The following MVB12B variants were observed in gnomAD, a reference collection of about 807,000 sequenced individuals.
MVB12B encodes the protein ESCRT-I complex subunit MVB12B.
A neutral mutation model predicts 41.6 loss-of-function variants in MVB12B; 16 were observed. That is an observed-to-expected ratio of 0.38 (90% CI 0.26 to 0.58). The LOEUF is 0.58. Ranked by LOEUF, MVB12B falls within the 20% of genes least tolerant of loss-of-function variation. The pLI is 0.62. For missense variants in MVB12B, 274 were observed against 380.2 expected (o/e 0.72, Z 2.32); for synonymous variants, 133 against 139.7 (o/e 0.95, Z 0.34).
At chr9:126,393,304 C>T (rs1588135355) in intron 5 of MVB12B, among the ~76,000 whole-genome samples, 1 of 152,358 alleles carries the variant, frequency 6.6e-6, no homozygotes, top group Non-Finnish European at 1.5e-5. Flanking sequence ...TCTGGTTTCC[C>T]TGTCTCCCCC....
At chr9:126,363,205 A>G (rs1365761459) in intron 2 of MVB12B, among the ~76,000 whole-genome samples, 1 of 152,156 alleles carries the variant, frequency 6.6e-6, no homozygotes, top group African/African-American at 2.4e-5. Context: ...AAAGAAAATT[A>G]AAGTTTTAAA....
chr9:126,479,602 G>A (rs964709107), intron 7 of MVB12B, among the ~76,000 whole-genome samples: 2 of 152,124 alleles, frequency 1.3e-5, no homozygotes, highest in Admixed American at 6.5e-5. Flanking sequence ...TTGCCTGTTC[G>A]GGACTTTTGT....
intron 3 of MVB12B, among the ~76,000 whole-genome samples, chr9:126,384,518 GAT>G (rs1041644405): frequency 2.0e-5 from 3 of 151,880 alleles, no homozygotes; most frequent in African/African-American, 7.3e-5. Context: ...AACTCAACTT[GAT>G]ATATGTGTGT....
At chr9:126,394,183 ATAGT>A (rs1475020191) in intron 5 of MVB12B, among the ~76,000 whole-genome samples, 3 of 152,234 alleles carry the variant, frequency 2.0e-5, no homozygotes, top group Non-Finnish European at 4.4e-5. Flanking sequence ...GGAGTAGGAA[ATAGT>A]TAGAATAAAC....
At chr9:126,481,558 G>C in intron 8 of MVB12B, 134 bp downstream of exon 8, 1 of 723,656 alleles carries the variant, frequency 1.4e-6, no homozygotes, top group Non-Finnish European at 2.5e-6. Context: ...TTGTCCGCCT[G>C]CGTGTCCTCT....
In MVB12B at chr9:126,506,561, G is replaced by C. The variant is rs934231797; in HGVS notation, c.*3298G>C. On this transcript the variant is annotated 3_prime_UTR_variant, in exon 10 of 10. Coordinates refer to ENST00000361171, the MANE Select transcript of MVB12B (RefSeq NM_033446.3). The stretch of plus-strand genomic sequence containing the variant: ...CCTCCACCCAGATGAGGGCCCTCCA[G>C]AGCCTGCAGGCATCTGTGGGGAATC... 1 of 152,310 alleles carries C rather than the reference G, an allele frequency of 6.6e-6. No individual in the cohort carries two copies. The highest frequency in any genetic ancestry group is 2.4e-5 in the African/African-American group (1 of 41,470). 9.4% of individuals were successfully genotyped at this position (152,310 alleles called of 1,614,324 possible). A position where few individuals can be genotyped will look rare whatever the true frequency, so the allele number is the denominator to read the frequency against.
chr9:126,496,041 G>A (rs1341673704), intron 9 of MVB12B, among the ~76,000 whole-genome samples: 3 of 152,056 alleles, frequency 2.0e-5, no homozygotes, highest in African/African-American at 7.2e-5. Context: ...GGCTGTGCAG[G>A]CACAGTGCTG....
chr9:126,496,824 T>G lies in MVB12B; in HGVS notation c.874-6353T>G, dbSNP rs577993227. 4.0e-5 allele frequency among the ~76,000 whole-genome samples: 6 copies of G among 151,464 alleles called. No individual in the cohort carries two copies. In the East Asian group the frequency reaches 1.2e-3, roughly 30 times the overall value. The stretch of plus-strand genomic sequence containing the variant: ...TCCTGGACACAGGCCAGATCCTGGG[T>G]GGAAGGTGTTTTGTGAGATAGGGTG... On this transcript the variant is annotated intron_variant, in intron 9 of 9. Coordinates refer to ENST00000361171, the MANE Select transcript of MVB12B (RefSeq NM_033446.3).
intron 2 of MVB12B, among the ~76,000 whole-genome samples, chr9:126,380,727 A>G (rs547883424): frequency 6.6e-5 from 10 of 152,242 alleles, no homozygotes; most frequent in Middle Eastern, 3.4e-3. Context: ...ACCCCGCACC[A>G]TCCCCCCGAG....
chr9:126,333,645 C>G lies in MVB12B; in HGVS notation c.81+6635C>G, dbSNP rs1208036274. On this transcript the variant is annotated intron_variant, in intron 1 of 9. Transcript: ENST00000361171. The surrounding 1 kb of genome is among the most constrained non-coding windows in gnomAD (Gnocchi z 4.7). Reference sequence around the variant, plus strand: ...TCTCAAACTCCTGACCTCAAGTGATCTGCCCACCTTGGCCTCAGAGTGCTG... The same window carrying G: ...TCTCAAACTCCTGACCTCAAGTGATGTGCCCACCTTGGCCTCAGAGTGCTG... Among the ~76,000 whole-genome samples, 1 of 151,438 alleles carries G rather than the reference C, an allele frequency of 6.6e-6. No individual in the cohort carries two copies. Among genetic ancestry groups the G allele is most frequent in the East Asian group, 2.0e-4 (1 of 5,114 alleles).
chr9:126,394,167 A>T (rs1157987802), intron 5 of MVB12B, among the ~76,000 whole-genome samples: 1 of 152,242 alleles, frequency 6.6e-6, no homozygotes, highest in Non-Finnish European at 1.5e-5. Context: ...TGTAAACAGG[A>T]CTACAGGAGT....
Position 126,421,384 on chromosome 9 carries a change from A to G in MVB12B, c.663-470A>G, listed in dbSNP as rs150480713. 2.3e-3 allele frequency among the ~76,000 whole-genome samples: 349 copies of G among 152,310 alleles called. 1 individual carries two copies. Among genetic ancestry groups the G allele is most frequent in the Non-Finnish European group, 4.2e-3 (283 of 68,032 alleles). Reference sequence around the variant, plus strand: ...ACTCATATGGCAATAATAATTCCCAACACCTTTGTTTACAGAGCGCTTCAT... The same window carrying G: ...ACTCATATGGCAATAATAATTCCCAGCACCTTTGTTTACAGAGCGCTTCAT... On this transcript the variant is annotated intron_variant, in intron 6 of 9. Transcript: ENST00000361171.
intron 9 of MVB12B, among the ~76,000 whole-genome samples, chr9:126,498,861 A>G (rs1833892666): frequency 6.6e-6 from 1 of 152,198 alleles, no homozygotes; most frequent in African/African-American, 2.4e-5. Context: ...CCCTCTGGTG[A>G]TTAGTGCAAT....
intron 7 of MVB12B, among the ~76,000 whole-genome samples, chr9:126,471,680 C>T (rs1441776425): frequency 4.6e-5 from 7 of 152,044 alleles, no homozygotes; most frequent in African/African-American, 1.7e-4. Flanking sequence ...GAGTTGTTGG[C>T]GTTTTCCCCA....
At chr9:126,452,392 G>A (rs1832903357) in intron 7 of MVB12B, among the ~76,000 whole-genome samples, 1 of 152,180 alleles carries the variant, frequency 6.6e-6, no homozygotes, top group Admixed American at 6.5e-5. Context: ...ACCAGCACTG[G>A]GGACTCAGCT....
At chr9:126,398,603 C>G (rs1184638775) in intron 6 of MVB12B, among the ~76,000 whole-genome samples, 1 of 152,248 alleles carries the variant, frequency 6.6e-6, no homozygotes, top group African/African-American at 2.4e-5. Flanking sequence ...CTGAGAACCA[C>G]GTCCAGTGCG....
intron 7 of MVB12B, among the ~76,000 whole-genome samples, chr9:126,437,717 A>G (rs1218561775): frequency 6.6e-6 from 1 of 152,202 alleles, no homozygotes; most frequent in Non-Finnish European, 1.5e-5. Flanking sequence ...TAGTTTTTTC[A>G]AGGATTTATT....
At chr9:126,408,104 T>TA (rs1237064965) in intron 6 of MVB12B, 1 of 152,306 alleles carries the variant, frequency 6.6e-6, no homozygotes, top group Non-Finnish European at 1.5e-5. Context: ...GGTGGAAACT[T>TA]ACAGTAAAGG....
At chr9:126,331,831 C>T (rs9942939) in intron 1 of MVB12B, among the ~76,000 whole-genome samples, 1,776 of 152,264 alleles carry the variant, frequency 0.012, 26 homozygotes, top group African/African-American at 0.041. Context: ...ATAAGGAGGC[C>T]CCATGGGGGT....
Sources: allele counts gnomAD v4.1 joint callset (sites outside exome capture counted in the v4.1 genomes callset), GRCh38; gene constraint gnomAD v4.1.1; non-coding constraint Gnocchi (gnomAD v3.1); transcripts MANE v1.5; gene names NCBI Gene and HGNC (gene_info 2026-07-23, HGNC 2026-07-21).